DNER: variants seen among roughly 807,000 people sequenced by gnomAD.
The protein encoded by DNER is delta/notch like EGF repeat containing, also known as delta and Notch-like epidermal growth factor-related receptor.
Under a neutral mutation model 78.2 loss-of-function variants are expected in DNER, and 33 were observed. The observed-to-expected ratio is 0.42, with a 90% CI of 0.32 to 0.56. The LOEUF is 0.56. DNER is among the 20% of genes least tolerant of loss of function. DNER has a pLI of 0.11. For missense variants in DNER, 918 were observed against 975.3 expected (o/e 0.94, Z 0.78); for synonymous variants, 417 against 384.8 (o/e 1.08, Z -0.98).
intron 4 of DNER, among the ~76,000 whole-genome samples, chr2:229,553,491 C>A (rs534413225): frequency 6.6e-6 from 1 of 152,210 alleles, no homozygotes; most frequent in African/African-American, 2.4e-5. Context: ...GCAGTGGGGA[C>A]AAGACAAAGG....
rs60983481 is a variant in DNER at position 229,668,516 on chromosome 2, ATGTGTGTG to A, written c.276+45624_276+45631del. On this transcript the variant is annotated intron_variant, in intron 1 of 12. Transcript: ENST00000341772. ...TATACTTACCTATATATAGGTAAGT[ATGTGTGTG>A]TGTGTGTGTGTGTATATATATATAT... Among the ~76,000 whole-genome samples, 586 of 59,696 alleles carry A rather than the reference ATGTGTGTG, an allele frequency of 9.8e-3. 6 individuals are homozygous for A. Among genetic ancestry groups the A allele is most frequent in the East Asian group, 0.017 (36 of 2,058 alleles). The allele number at this position is 59,696 out of a possible 152,430, so 39.2% of individuals were successfully genotyped here.
At chr2:229,391,762 T>G (rs1693021101) in intron 10 of DNER, among the ~76,000 whole-genome samples, 1 of 152,198 alleles carries the variant, frequency 6.6e-6, no homozygotes, top group African/African-American at 2.4e-5. Context: ...AGGCTGATCT[T>G]GAACTCCTGA....
intron 4 of DNER, among the ~76,000 whole-genome samples, chr2:229,569,643 A>C (rs1697179984): frequency 6.6e-6 from 1 of 152,248 alleles, no homozygotes; most frequent in South Asian, 2.1e-4. Context: ...ATTATTTATA[A>C]TACCTAATAG....
At chr2:229,408,651 C>G (rs979765127) in intron 9 of DNER, among the ~76,000 whole-genome samples, 2 of 152,192 alleles carry the variant, frequency 1.3e-5, no homozygotes, top group African/African-American at 4.8e-5. Flanking sequence ...ATCCTTTAGG[C>G]ACTGAAATCA....
intron 7 of DNER, among the ~76,000 whole-genome samples, chr2:229,473,130 G>A (rs997911799): frequency 3.9e-5 from 6 of 152,172 alleles, no homozygotes; most frequent in South Asian, 2.1e-4. Context: ...GTGTGCTGTC[G>A]AGAACTCTAT....
At chr2:229,568,588 A>G (rs572474107) in intron 4 of DNER, among the ~76,000 whole-genome samples, 1 of 152,328 alleles carries the variant, frequency 6.6e-6, no homozygotes, top group African/African-American at 2.4e-5. Flanking sequence ...TTAACTATTT[A>G]TGCCATACAC....
intron 1 of DNER, among the ~76,000 whole-genome samples, chr2:229,595,447 AATTTTTGT>A (rs201312748): frequency 0.03 from 4,634 of 152,054 alleles, 211 homozygotes; most frequent in African/African-American, 0.096. Context: ...ACACCTAGCT[AATTTTTGT>A]ATTTTTGTTA....
In DNER at chr2:229,667,248, C is replaced by A. The variant is rs535904997; in HGVS notation, c.276+46900G>T. Among the ~76,000 whole-genome samples, 53 of 152,284 alleles carry A rather than the reference C, an allele frequency of 3.5e-4. 1 individual carries two copies. Among genetic ancestry groups the A allele is most frequent in the Admixed American group, 2.9e-3 (44 of 15,298 alleles). ...AGAGGGGCCCACCAGGCTTCAATGG[C>A]AACAACATGCCCATGGGGTAACTAA... is the stretch of plus-strand genomic sequence containing the variant. On this transcript the variant is annotated intron_variant, in intron 1 of 12. Transcript: ENST00000341772.
intron 11 of DNER, among the ~76,000 whole-genome samples, chr2:229,383,672 C>T (rs1434956962): frequency 2.0e-5 from 3 of 152,220 alleles, no homozygotes; most frequent in Non-Finnish European, 4.4e-5. Context: ...AAGGGCATTA[C>T]ATAATGGTAA....
Position 229,478,014 on chromosome 2 carries a change from C to T in DNER, c.1148-761G>A, listed in dbSNP as rs138481280. On this transcript the variant is annotated intron_variant, in intron 6 of 12. Coordinates refer to ENST00000341772, the MANE Select transcript of DNER (RefSeq NM_139072.4). ...TTGTTTATTAATTTTGAAAACAAAGCCCCTGGAGAGAAAAGTTTAAAAAAT... is the reference window on the plus strand; with the variant it reads ...TTGTTTATTAATTTTGAAAACAAAGTCCCTGGAGAGAAAAGTTTAAAAAAT... 1.2e-3 allele frequency among the ~76,000 whole-genome samples: 185 copies of T among 152,054 alleles called. 1 individual carries two copies. Among genetic ancestry groups the T allele is most frequent in the African/African-American group, 4.1e-3 (172 of 41,470 alleles).
rs555834715 is a variant in DNER, at chr2:229,443,458, C to T, written c.1486+3858G>A. Among the ~76,000 whole-genome samples, 10 of 152,282 alleles carry T rather than the reference C, an allele frequency of 6.6e-5. No individual in the cohort carries two copies. In the South Asian group the frequency reaches 8.3e-4, roughly 13 times the overall value. ...TTTCAATTTGCAATTTTTAAGAGAA[C>T]GGGTAGCCTATCACTTAACACTGTC... On this transcript the variant is annotated intron_variant, in intron 8 of 12. Transcript: ENST00000341772.
intron 1 of DNER, among the ~76,000 whole-genome samples, chr2:229,610,601 C>A: frequency 6.6e-6 from 1 of 151,994 alleles, no homozygotes; most frequent in East Asian, 1.9e-4. Flanking sequence ...TTCCAGTCTG[C>A]GGTCCTTTCG....
intron 10 of DNER, among the ~76,000 whole-genome samples, 177 bp from the exon 11 acceptor site, chr2:229,388,573 T>G (rs767425110): frequency 3.3e-5 from 4 of 121,336 alleles, no homozygotes; most frequent in Non-Finnish European, 1.7e-5. Flanking sequence ...ATCTTTTACT[T>G]CAGTAAAACT....
chr2:229,532,943 G>T lies in DNER; in HGVS notation c.993+14004C>A, dbSNP rs10174292. 2.9e-3 allele frequency among the ~76,000 whole-genome samples: 445 copies of T among 152,204 alleles called. 2 individuals are homozygous for T. The highest frequency in any genetic ancestry group is 5.5e-3 in the Non-Finnish European group (372 of 68,002). ...ATCCTGGGCTGGGCATGGGGGTGTG[G>T]GTGGAAATGGAAGAGAAGGGGTTGA... On this transcript the variant is annotated intron_variant, in intron 5 of 12. Coordinates refer to ENST00000341772, the MANE Select transcript of DNER (RefSeq NM_139072.4).
At chr2:229,359,753 C>G (rs6436860) in intron 12 of DNER, among the ~76,000 whole-genome samples, 1 of 151,924 alleles carries the variant, frequency 6.6e-6, no homozygotes, top group Non-Finnish European at 1.5e-5. Flanking sequence ...TAGAATCAAG[C>G]GGGAAATGAG....
chr2:229,416,516 A>G (rs1693654747), intron 9 of DNER, among the ~76,000 whole-genome samples: 1 of 152,168 alleles, frequency 6.6e-6, no homozygotes. Flanking sequence ...TCTCAAGGCC[A>G]CAAAAAATGG....
chr2:229,541,619 C>T (rs1466351830), intron 5 of DNER, among the ~76,000 whole-genome samples: 1 of 151,970 alleles, frequency 6.6e-6, no homozygotes, highest in African/African-American at 2.4e-5. Context: ...AGCAGATAAG[C>T]AGATTGCCCT....
intron 1 of DNER, among the ~76,000 whole-genome samples, chr2:229,598,875 C>T (rs1409228610): frequency 6.6e-6 from 1 of 152,038 alleles, no homozygotes; most frequent in Non-Finnish European, 1.5e-5. Context: ...GTTTGCATCT[C>T]GAAAGGCCTC....
At chr2:229,381,052 T>C (rs1692724206) in intron 11 of DNER, among the ~76,000 whole-genome samples, 1 of 152,230 alleles carries the variant, frequency 6.6e-6, no homozygotes, top group South Asian at 2.1e-4. Flanking sequence ...AGCTGATTTC[T>C]GCATTTCCAA....
Sources: allele counts gnomAD v4.1 joint callset (sites outside exome capture counted in the v4.1 genomes callset), GRCh38; gene constraint gnomAD v4.1.1; transcripts MANE v1.5; gene names NCBI Gene and HGNC (gene_info 2026-07-23, HGNC 2026-07-21).